Variants in PTPRM observed in about 807,000 individuals in gnomAD.
The protein encoded by PTPRM is receptor-type tyrosine-protein phosphatase mu.
A neutral mutation model predicts 186.7 loss-of-function variants in PTPRM; 47 were observed. The ratio of observed to expected loss-of-function variants is 0.25; its 90% CI spans 0.20 to 0.32. The LOEUF (loss-of-function observed/expected upper bound fraction) is 0.32. Ranked by LOEUF, PTPRM falls within the 10% of genes least tolerant of loss-of-function variation. The probability of loss-of-function intolerance (pLI) is 1.00; values close to 1 mark genes in which losing one functional copy is unlikely to be tolerated. For synonymous variants in PTPRM, 668 were observed against 674.9 expected, an observed-to-expected ratio of 0.99 and a Z score of 0.16; for missense variants, 1,494 against 1,865.0, an observed-to-expected ratio of 0.80 and a Z score of 3.66.
intron 3 of PTPRM, among the ~76,000 whole-genome samples, chr18:7,896,093 T>A (rs1166191883): frequency 6.6e-6 from 1 of 152,184 alleles, no homozygotes; most frequent in Non-Finnish European, 1.5e-5. Context: ...ATTCCTTAAT[T>A]AATGTTTTTC....
chr18:8,169,598 G>A (rs1028109502), intron 14 of PTPRM, among the ~76,000 whole-genome samples: 3 of 152,058 alleles, frequency 2.0e-5, no homozygotes. Context: ...CTAATTGATG[G>A]CTATTATGAG....
chr18:8,306,887 A>G (rs944433702), intron 20 of PTPRM, among the ~76,000 whole-genome samples: 1 of 152,234 alleles, frequency 6.6e-6, no homozygotes, highest in African/African-American at 2.4e-5. Context: ...TTTAGCCTCA[A>G]GAGTACCCCA....
At chr18:7,616,317 C>T (rs1321095982) in intron 1 of PTPRM, among the ~76,000 whole-genome samples, 1 of 152,130 alleles carries the variant, frequency 6.6e-6, no homozygotes, top group African/African-American at 2.4e-5. Context: ...TGCCACCACA[C>T]CCTGCTAATT....
At chr18:7,661,989 C>G (rs967428263) in intron 1 of PTPRM, among the ~76,000 whole-genome samples, 6 of 152,204 alleles carry the variant, frequency 3.9e-5, no homozygotes, top group African/African-American at 1.4e-4. Flanking sequence ...ACAATCACAG[C>G]TCACTGCAGC....
At chr18:8,347,091 G>A (rs2095509561) in intron 23 of PTPRM, among the ~76,000 whole-genome samples, 1 of 152,162 alleles carries the variant, frequency 6.6e-6, no homozygotes, top group African/African-American at 2.4e-5. Flanking sequence ...ACATGTGATG[G>A]GGAGAAAGAG....
chr18:8,198,340 G>A (rs1047384559), intron 14 of PTPRM, among the ~76,000 whole-genome samples: 3 of 151,990 alleles, frequency 2.0e-5, no homozygotes, highest in Non-Finnish European at 4.4e-5. Context: ...GTAGAGACAG[G>A]GTTTTGCCAT....
At chr18:7,715,208 C>T (rs374177980) in intron 1 of PTPRM, among the ~76,000 whole-genome samples, 12 of 152,264 alleles carry the variant, frequency 7.9e-5, no homozygotes, top group Non-Finnish European at 1.0e-4. Flanking sequence ...TCAACATACA[C>T]GAATCAATAA....
At chr18:7,704,884 C>T (rs1019638399) in intron 1 of PTPRM, among the ~76,000 whole-genome samples, 1 of 152,094 alleles carries the variant, frequency 6.6e-6, no homozygotes, top group Non-Finnish European at 1.5e-5. Flanking sequence ...CAACTTCACA[C>T]TTAGCTGGGA....
chr18:7,919,263 G>A (rs896916722), intron 4 of PTPRM, among the ~76,000 whole-genome samples: 1 of 152,002 alleles, frequency 6.6e-6, no homozygotes, highest in Admixed American at 6.6e-5. Flanking sequence ...GCTCAGGCTT[G>A]CTTTGGCTAT....
intron 23 of PTPRM, among the ~76,000 whole-genome samples, chr18:8,353,417 T>C (rs1373365813): frequency 6.6e-6 from 1 of 152,096 alleles, no homozygotes; most frequent in African/African-American, 2.4e-5. Flanking sequence ...TGGAAGAGTA[T>C]GGAGACACGT....
chr18:7,574,516 G>A (rs970130666), intron 1 of PTPRM, among the ~76,000 whole-genome samples: 5 of 152,036 alleles, frequency 3.3e-5, no homozygotes, highest in Admixed American at 1.3e-4. Context: ...ACATTTGTAC[G>A]GCCCCTTTGT....
intron 22 of PTPRM, among the ~76,000 whole-genome samples, chr18:8,332,561 A>G (rs1048619013): frequency 2.0e-5 from 3 of 152,222 alleles, no homozygotes; most frequent in African/African-American, 7.2e-5. Context: ...AGTGAAATGT[A>G]AGCATCAACA....
At chr18:7,893,756 C>T (rs779272836) in intron 3 of PTPRM, among the ~76,000 whole-genome samples, 17 of 152,084 alleles carry the variant, frequency 1.1e-4, no homozygotes, top group African/African-American at 2.9e-4. Context: ...GCCCTAATAG[C>T]AATATAAACT....
At chr18:7,839,561 A>T (rs529214806) in intron 2 of PTPRM, among the ~76,000 whole-genome samples, 1 of 152,356 alleles carries the variant, frequency 6.6e-6, no homozygotes, top group Non-Finnish European at 1.5e-5. Flanking sequence ...CTAGTATTAT[A>T]GATGTAAGAT....
At chr18:8,097,858 G>C (rs749459911) in intron 11 of PTPRM, among the ~76,000 whole-genome samples, 13 of 152,158 alleles carry the variant, frequency 8.5e-5, no homozygotes, top group Admixed American at 5.2e-4. Context: ...CATCACTCAG[G>C]AGCATTAATT....
intron 1 of PTPRM, among the ~76,000 whole-genome samples, chr18:7,716,576 A>G (rs956941838): frequency 1.3e-5 from 2 of 152,132 alleles, no homozygotes; most frequent in African/African-American, 2.4e-5. Context: ...AATTTTTGCA[A>G]TCTATCCATC....
intron 14 of PTPRM, among the ~76,000 whole-genome samples, chr18:8,224,077 C>T (rs1190461754): frequency 6.6e-6 from 1 of 152,182 alleles, no homozygotes; most frequent in East Asian, 1.9e-4. Flanking sequence ...GTTGCCAGCA[C>T]TTTTGGCTAG....
At chr18:7,905,525 C>T (rs1487728480) in intron 3 of PTPRM, among the ~76,000 whole-genome samples, 8 of 152,234 alleles carry the variant, frequency 5.3e-5, no homozygotes, top group Non-Finnish European at 2.9e-5. Flanking sequence ...CTCTTCACTG[C>T]ATTATTAATA....
intron 13 of PTPRM, among the ~76,000 whole-genome samples, chr18:8,133,833 A>G (rs1048940810): frequency 6.6e-6 from 1 of 152,116 alleles, no homozygotes; most frequent in Admixed American, 6.5e-5. Flanking sequence ...TGAAAGAGTG[A>G]CTTGATTGGA....
Sources: allele counts gnomAD v4.1 joint callset (sites outside exome capture counted in the v4.1 genomes callset), GRCh38; gene constraint gnomAD v4.1.1; transcripts MANE v1.5; gene names NCBI Gene and HGNC (gene_info 2026-07-23, HGNC 2026-07-21).